The following PRKN variants were observed in gnomAD, a reference collection of about 807,000 sequenced individuals.
PRKN encodes the protein parkin RBR E3 ubiquitin protein ligase.
PRKN carries 56 observed loss-of-function variants against 59.5 expected under a neutral mutation model. That is an observed-to-expected ratio of 0.94 (90% CI 0.76 to 1.18). The LOEUF (loss-of-function observed/expected upper bound fraction) is 1.18. Ranked by LOEUF, PRKN falls within the 50% of genes most tolerant of loss-of-function variation. PRKN has a pLI of 0.00. For missense variants in PRKN, 657 were observed against 596.4 expected (o/e 1.10, Z -1.06); for synonymous variants, 250 against 222.1 (o/e 1.13, Z -1.12).
rs181723219 is a variant in PRKN, at chr6:162,115,756, A to C, written c.535-61582T>G. On this transcript the variant is annotated intron_variant, in intron 4 of 11. Coordinates refer to ENST00000366898, the MANE Select transcript of PRKN (RefSeq NM_004562.3). The stretch of plus-strand genomic sequence containing the variant: ...GGGTCAAGATGGCTTCTGGAGATAG[A>C]TAAAAGCGGATGTCTGAAGTAGACT... Among the ~76,000 whole-genome samples the C allele has an allele frequency of 3.3e-5, 5 of 152,248 alleles. No individual in the cohort carries two copies. The East Asian group carries it at 9.7e-4, about 29-fold the overall frequency.
chr6:162,335,233 G>C (rs771218365), intron 2 of PRKN, among the ~76,000 whole-genome samples: 1 of 151,654 alleles, frequency 6.6e-6, no homozygotes, highest in Non-Finnish European at 1.5e-5. Context: ...GTAGAGATGG[G>C]GTTTCGCTAG....
chr6:161,392,970 G>GT (rs1374978674), intron 9 of PRKN, among the ~76,000 whole-genome samples: 10 of 152,014 alleles, frequency 6.6e-5, no homozygotes, highest in African/African-American at 2.4e-4. Context: ...GTGAAATCGT[G>GT]TACTAGATCT....
intron 10 of PRKN, among the ~76,000 whole-genome samples, chr6:161,364,473 C>CAAAAAAAA: frequency 2.6e-5 from 1 of 37,892 alleles, no homozygotes; most frequent in Non-Finnish European, 4.4e-5. Flanking sequence ...ACCCGCCCCG[C>CAAAAAAAA]AAAAAAAAAA....
rs1328136562 is a variant in PRKN, at chr6:161,470,898, A to C, written c.1083+77956T>G. On this transcript the variant is annotated intron_variant, in intron 9 of 11. Coordinates refer to ENST00000366898, the MANE Select transcript of PRKN (RefSeq NM_004562.3). This position sits in a 1 kb window ranked among gnomAD's most constrained non-coding sequence, Gnocchi z 5.1. ...CTTCTAGGCAGGGCAGAGCTAGACA[A>C]GAGAAGGGGTCTGGGCTGACTCTCC... 1.3e-5 allele frequency among the ~76,000 whole-genome samples: 2 copies of C among 152,204 alleles called. No homozygotes were observed. Among genetic ancestry groups the C allele is most frequent in the African/African-American group, 4.8e-5 (2 of 41,448 alleles).
At chr6:162,358,465 AAATT>A (rs1316045234) in intron 2 of PRKN, among the ~76,000 whole-genome samples, 1 of 152,190 alleles carries the variant, frequency 6.6e-6, no homozygotes. Flanking sequence ...AATAATAATT[AAATT>A]GTTTAATGAA....
chr6:161,917,436 C>T (rs763450709), intron 6 of PRKN, among the ~76,000 whole-genome samples: 1 of 151,890 alleles, frequency 6.6e-6, no homozygotes, highest in African/African-American at 2.4e-5. Context: ...AAATTTCTGC[C>T]ATATATTTTG....
intron 4 of PRKN, among the ~76,000 whole-genome samples, chr6:162,077,687 G>A (rs935747673): frequency 8.6e-5 from 13 of 151,896 alleles, no homozygotes; most frequent in African/African-American, 2.9e-4. Context: ...AAAATTAAGA[G>A]TTTTCTTTAA....
At chr6:162,120,951 A>G (rs142906763) in intron 4 of PRKN, among the ~76,000 whole-genome samples, 1 of 152,350 alleles carries the variant, frequency 6.6e-6, no homozygotes, top group Non-Finnish European at 1.5e-5. Flanking sequence ...TTGTGATTGC[A>G]ATTGCAGCTG....
At position 161,468,481 on chromosome 6, in the gene PRKN, A is replaced by C. The variant is rs1790596519; in HGVS notation, c.1083+80373T>G. On this transcript the variant is annotated intron_variant, in intron 9 of 11. Transcript: ENST00000366898. The surrounding 1 kb of genome is among the most constrained non-coding windows in gnomAD (Gnocchi z 5.9). ...CAAGGGGGTACTTCAGCCTGACTCC[A>C]TTTTTGCCTCACTCCCCATTTATTG... is the stretch of plus-strand genomic sequence containing the variant. Among the ~76,000 whole-genome samples the C allele has an allele frequency of 6.6e-6, 1 of 152,128 alleles. No individual in the cohort carries two copies. The highest frequency in any genetic ancestry group is 6.5e-5 in the Admixed American group (1 of 15,272).
intron 1 of PRKN, among the ~76,000 whole-genome samples, chr6:162,552,357 T>C (rs1345039580): frequency 6.6e-6 from 1 of 152,118 alleles, no homozygotes; most frequent in African/African-American, 2.4e-5. Context: ...TTGAACACTG[T>C]ATGAGCGGGT....
Position 161,463,767 on chromosome 6 carries a change from T to C in PRKN, c.1084-76890A>G, listed in dbSNP as rs1790320502. ...CAGTGGTAAAGATCAAGTGTCCACT[T>C]TGGAAGTATAATCTTTATCTAGTGA... is the stretch of plus-strand genomic sequence containing the variant. On this transcript the variant is annotated intron_variant, in intron 9 of 11. Coordinates refer to ENST00000366898, the MANE Select transcript of PRKN (RefSeq NM_004562.3). This position sits in a 1 kb window ranked among gnomAD's most constrained non-coding sequence, Gnocchi z 4.8. 6.6e-6 allele frequency among the ~76,000 whole-genome samples: 1 copy of C among 152,170 alleles called. No individual in the cohort carries two copies.
At chr6:161,482,015 T>TG (rs1424021863) in intron 9 of PRKN, among the ~76,000 whole-genome samples, 1 of 116,996 alleles carries the variant, frequency 8.5e-6, no homozygotes, top group African/African-American at 3.2e-5. Flanking sequence ...TTGCGGGGGG[T>TG]GGGGGAGACT....
In PRKN at chr6:161,396,700, T is replaced by C. The variant is rs1045596490; in HGVS notation, c.1084-9823A>G. On this transcript the variant is annotated intron_variant, in intron 9 of 11. Coordinates refer to ENST00000366898, the MANE Select transcript of PRKN (RefSeq NM_004562.3). This position sits in a 1 kb window ranked among gnomAD's most constrained non-coding sequence, Gnocchi z 5.4. ...AATGATTACGCTACGCCAGTAAAAA[T>C]GTGAAATCCAAGCCATATGGCAATT... Among the ~76,000 whole-genome samples, 2 of 152,146 alleles carry C rather than the reference T, an allele frequency of 1.3e-5. No individual in the cohort carries two copies. Among genetic ancestry groups the C allele is most frequent in the Non-Finnish European group, 2.9e-5 (2 of 68,034 alleles).
chr6:161,765,271 C>T (rs1003570480), intron 7 of PRKN, among the ~76,000 whole-genome samples: 2 of 152,096 alleles, frequency 1.3e-5, no homozygotes, highest in Non-Finnish European at 2.9e-5. Flanking sequence ...AGTGGTCTTC[C>T]TTGTCTCTGA....
chr6:161,790,234 A>C (rs542025683), intron 6 of PRKN, among the ~76,000 whole-genome samples: 88 of 152,230 alleles, frequency 5.8e-4, no homozygotes, highest in Non-Finnish European at 1.2e-3. Flanking sequence ...TCTAAGCAGG[A>C]AGGAATCACA....
intron 4 of PRKN, among the ~76,000 whole-genome samples, chr6:162,090,030 T>G (rs900677582): frequency 2.6e-5 from 4 of 152,190 alleles, no homozygotes; most frequent in African/African-American, 9.7e-5. Context: ...GATGGTCAAT[T>G]TAATGTTAGG....
At chr6:161,656,093 C>T (rs1348124871) in intron 7 of PRKN, among the ~76,000 whole-genome samples, 3 of 152,154 alleles carry the variant, frequency 2.0e-5, no homozygotes, top group African/African-American at 4.8e-5. Flanking sequence ...TGTGGCAGCT[C>T]GGGTAACTTT....
intron 2 of PRKN, among the ~76,000 whole-genome samples, chr6:162,319,967 C>T (rs1343567103): frequency 6.6e-6 from 1 of 151,840 alleles, no homozygotes; most frequent in South Asian, 2.1e-4. Context: ...CCTACTTCCA[C>T]CCACTTACCC....
intron 4 of PRKN, among the ~76,000 whole-genome samples, chr6:162,150,710 C>G (rs1485349599): frequency 6.6e-6 from 1 of 152,014 alleles, no homozygotes; most frequent in East Asian, 1.9e-4. Flanking sequence ...CAGCTTTTTT[C>G]AAGGTGAAAT....
Sources: allele counts gnomAD v4.1 joint callset (sites outside exome capture counted in the v4.1 genomes callset), GRCh38; gene constraint gnomAD v4.1.1; non-coding constraint Gnocchi (gnomAD v3.1); transcripts MANE v1.5; gene names NCBI Gene and HGNC (gene_info 2026-07-23, HGNC 2026-07-21).